Variants in TICAM1 observed in about 807,000 individuals in gnomAD.
TICAM1 encodes the protein TIR domain-containing adapter molecule 1.
For synonymous variants in TICAM1, 439 were observed against 415.4 expected (o/e 1.06, Z -0.69); for missense variants, 895 against 938.2 (o/e 0.95, Z 0.60).
At chr19:4,828,116 T>G (rs868023847) in intron 1 of TICAM1, among the ~76,000 whole-genome samples, 1 of 144,440 alleles carries the variant, frequency 6.9e-6, no homozygotes, top group Admixed American at 6.9e-5. Flanking sequence ...CTCTTTTTTG[T>G]TTTTTTTATT....
chr19:4,823,997 A>T (rs976714849), intron 1 of TICAM1, among the ~76,000 whole-genome samples: 1 of 132,376 alleles, frequency 7.6e-6, no homozygotes, highest in African/African-American at 2.9e-5. Flanking sequence ...GGTAGTAAAG[A>T]GACACTGAAT....
At chr19:4,822,981 G>A (rs529698705) in intron 1 of TICAM1, among the ~76,000 whole-genome samples, 1 of 152,196 alleles carries the variant, frequency 6.6e-6, no homozygotes, top group East Asian at 1.9e-4. Context: ...TTTTTGGTTT[G>A]TATTTGGCTT....
intron 1 of TICAM1, among the ~76,000 whole-genome samples, chr19:4,829,805 CTTTTTTTTT>C (rs539314470): frequency 3.4e-5 from 3 of 87,630 alleles, no homozygotes; most frequent in Admixed American, 1.5e-4. Flanking sequence ...AATTTCATTT[CTTTTTTTTT>C]TTTTTTTTTT....
At chr19:4,823,723 C>T (rs902524078) in intron 1 of TICAM1, among the ~76,000 whole-genome samples, 11 of 152,084 alleles carry the variant, frequency 7.2e-5, no homozygotes, top group Admixed American at 1.3e-4. Context: ...AGGGAGAAGG[C>T]GGCCGTCTGC....
chr19:4,816,414 A>G lies in TICAM1; in HGVS notation c.1964T>C (p.Leu655Pro). Residue 655 changes from leucine to proline, a missense_variant, in exon 2 of 2, where the codon CTG becomes CCG. Physicochemically the swap from Leu to Pro is moderately conservative, Grantham distance 98 (BLOSUM62 -3). Transcript: ENST00000248244. The surrounding 1 kb of genome is among the most constrained non-coding windows in gnomAD (Gnocchi z 4.3). ...SPQPAAFPQSLPFPQSPAFPT... is the reference protein window; with the variant it reads ...SPQPAAFPQSPPFPQSPAFPT... ...GAAGGCTGGGGACTGCGGGAAGGGCAGTGACTGTGGAAAGGCTGCTGGCTG... is the reference window on the plus strand; with the variant it reads ...GAAGGCTGGGGACTGCGGGAAGGGCGGTGACTGTGGAAAGGCTGCTGGCTG... 6.6e-7 allele frequency: 1 copy of G among 1,511,030 alleles called. No homozygotes were observed. The highest frequency in any genetic ancestry group is 8.9e-7 in the Non-Finnish European group (1 of 1,123,822). 93.6% of individuals were successfully genotyped at this position (1,511,030 alleles called of 1,614,324 possible). A position where few individuals can be genotyped will look rare whatever the true frequency, so the allele number is the denominator to read the frequency against.
At chr19:4,828,749 C>T (rs1164457206) in intron 1 of TICAM1, among the ~76,000 whole-genome samples, 1 of 147,968 alleles carries the variant, frequency 6.8e-6, no homozygotes, top group African/African-American at 2.5e-5. Context: ...TGTCGCCAGG[C>T]TGGAGTGCAG....
intron 1 of TICAM1, among the ~76,000 whole-genome samples, chr19:4,819,933 A>G (rs2146172979): frequency 6.6e-6 from 1 of 152,122 alleles, no homozygotes; most frequent in South Asian, 2.1e-4. Context: ...ACATCCTGGT[A>G]TTTGCAGTCT....
chr19:4,822,745 T>C (rs139381507), intron 1 of TICAM1, among the ~76,000 whole-genome samples: 31 of 152,170 alleles, frequency 2.0e-4, no homozygotes, highest in African/African-American at 7.2e-4. Context: ...TGATTTTTTT[T>C]ATTTTCCATT....
At chr19:4,830,268 G>T (rs1251478963) in intron 1 of TICAM1, among the ~76,000 whole-genome samples, 1 of 151,614 alleles carries the variant, frequency 6.6e-6, no homozygotes, top group Non-Finnish European at 1.5e-5. Context: ...TTGTATTTTT[G>T]GTAGAGACAG....
At position 4,816,716 on chromosome 19, in the gene TICAM1, T is replaced by C. The variant is rs763408253; in HGVS notation, c.1662A>G (p.Gln554=). 5 of 1,613,914 alleles carry C rather than the reference T, an allele frequency of 3.1e-6. No individual in the cohort carries two copies. The highest frequency in any genetic ancestry group is 2.5e-6 in the Non-Finnish European group (3 of 1,180,016). The part of the protein sequence containing the change: ...QDTRALREQS[Q]HLDGERMQAA... ...CCTGCATCCGCTCACCGTCCAGGTG[T>C]TGGCTCTGTTCCCGCAGGGCTCGGG... The change falls in exon 2 of 2, where the codon CAA becomes CAG. Residue 554 remains glutamine (Q), a synonymous_variant. Transcript: ENST00000248244. This position sits in a 1 kb window ranked among gnomAD's most constrained non-coding sequence, Gnocchi z 4.3.
Position 4,817,710 on chromosome 19 carries a change from C to T in TICAM1, c.668G>A (p.Ser223Asn), listed in dbSNP as rs772559700. Residue 223 changes from serine (S) to asparagine (N), a missense_variant, in exon 2 of 2, where the codon AGC (serine) becomes AAC (asparagine). Transcript: ENST00000248244. The surrounding 1 kb of genome is among the most constrained non-coding windows in gnomAD (Gnocchi z 4.7). ...ACAGAGCTTGCTGGGCCCATGTGGG[C>T]TGCGGTGCAGGCTGAGGAAGGGCAT... ...PTMPFLSLHR[S>N]PHGPSKLCDD... The T allele has an allele frequency of 6.3e-7, 1 of 1,596,880 alleles. No individual in the cohort carries two copies. Among genetic ancestry groups the T allele is most frequent in the Non-Finnish European group, 8.5e-7 (1 of 1,173,352 alleles).
In TICAM1 at chr19:4,816,818, G is replaced by A. The variant is rs370630160; in HGVS notation, c.1560C>T (p.Phe520=). The stretch of plus-strand genomic sequence containing the variant: ...TGAAGGTGTTGGCCACCTTCCTGGC[G>A]AAGATCTGGGAGTGTTCGTCCAGCC... ...LVRLDEHSQI[F]ARKVANTFKP... is the part of the protein sequence containing the mutation. The change falls in exon 2 of 2, where the codon TTC becomes TTT. Residue 520 remains phenylalanine (F), a synonymous_variant. Coordinates refer to ENST00000248244, the MANE Select transcript of TICAM1 (RefSeq NM_182919.4). The surrounding 1 kb of genome is among the most constrained non-coding windows in gnomAD (Gnocchi z 4.3). 31 of 1,612,690 alleles carry A rather than the reference G, an allele frequency of 1.9e-5. No homozygotes were observed. The highest frequency in any genetic ancestry group is 9.3e-5 in the African/African-American group (7 of 74,920).
At chr19:4,826,162 A>G (rs1463471049) in intron 1 of TICAM1, among the ~76,000 whole-genome samples, 1 of 151,912 alleles carries the variant, frequency 6.6e-6, no homozygotes, top group African/African-American at 2.4e-5. Flanking sequence ...ACGCTGTCTC[A>G]AAAACAACAA....
chr19:4,824,329 A>ATT (rs1213088504), intron 1 of TICAM1, among the ~76,000 whole-genome samples: 1,955 of 107,320 alleles, frequency 0.018, 45 homozygotes, highest in African/African-American at 0.061. Flanking sequence ...CTTTTATCCA[A>ATT]TTTTTTTTTT....
In TICAM1 at chr19:4,817,156, T is replaced by C. The variant is rs749950910; in HGVS notation, c.1222A>G (p.Ile408Val). The C allele has an allele frequency of 6.2e-7, 1 of 1,614,178 alleles. No individual in the cohort carries two copies. The highest frequency in any genetic ancestry group is 2.2e-5 in the East Asian group (1 of 44,878). The change falls in exon 2 of 2, where the codon ATC becomes GTC. Residue 408 changes from isoleucine to valine, a missense_variant. Coordinates refer to ENST00000248244, the MANE Select transcript of TICAM1 (RefSeq NM_182919.4). This position sits in a 1 kb window ranked among gnomAD's most constrained non-coding sequence, Gnocchi z 4.7. ...AGCTTCTCCCGAACCCGCAGGGCGA[T>C]GTGTTCGTCTGCCCTGGCGTGGAGG... is the stretch of plus-strand genomic sequence containing the variant. ...VILHARADEH[I>V]ALRVREKLEA...
In TICAM1 at chr19:4,817,078, G is replaced by A. The variant is rs1260578950; in HGVS notation, c.1300C>T (p.Pro434Ser). ...AGGCAGCTCAGCTCCCCGCGCCCCGGCACCTGGAAATCCTCGCAGAAGGTG... is the reference window on the plus strand; with the variant it reads ...AGGCAGCTCAGCTCCCCGCGCCCCGACACCTGGAAATCCTCGCAGAAGGTG... Reference protein sequence around the residue: ...GATFCEDFQVPGRGELSCLQD... With the variant: ...GATFCEDFQVSGRGELSCLQD... The change falls in exon 2 of 2, where the codon CCG becomes TCG. Residue 434 changes from proline to serine, a missense_variant. By Grantham distance (74) the Pro-to-Ser change is moderately conservative. Coordinates refer to ENST00000248244, the MANE Select transcript of TICAM1 (RefSeq NM_182919.4). The surrounding 1 kb of genome is among the most constrained non-coding windows in gnomAD (Gnocchi z 4.7). The A allele has an allele frequency of 5.0e-6, 8 of 1,614,144 alleles. No homozygotes were observed. The highest frequency in any genetic ancestry group is 2.2e-5 in the East Asian group (1 of 44,884).
chr19:4,822,912 ATGT>A (rs1438630434), intron 1 of TICAM1, among the ~76,000 whole-genome samples: 1 of 152,188 alleles, frequency 6.6e-6, no homozygotes, highest in Non-Finnish European at 1.5e-5. Flanking sequence ...CCAAAATCAT[ATGT>A]TGAAGTGCCA....
chr19:4,818,619 C>A lies in TICAM1; in HGVS notation c.-139-103G>T. ...TGCTTTCCCCGCCTGCCACCCAGAC[C>A]TAGCCAGGTGACCTTCGGCAACACG... On this transcript the variant is annotated intron_variant, in intron 1 of 1. Coordinates refer to ENST00000248244, the MANE Select transcript of TICAM1 (RefSeq NM_182919.4). This position sits in a 1 kb window ranked among gnomAD's most constrained non-coding sequence, Gnocchi z 4.0. 2.8e-6 allele frequency: 2 copies of A among 703,868 alleles called. No homozygotes were observed. The highest frequency in any genetic ancestry group is 2.1e-6 in the Non-Finnish European group (1 of 471,572). The allele number at this position is 703,868 out of a possible 1,614,324, so 43.6% of individuals were successfully genotyped here.
intron 1 of TICAM1, among the ~76,000 whole-genome samples, chr19:4,820,592 C>T (rs535069683): frequency 2.0e-5 from 3 of 151,122 alleles, no homozygotes; most frequent in African/African-American, 4.9e-5. Flanking sequence ...TGGCCGGGCG[C>T]GGTGGCTCAT....
Sources: gnomAD v4.1 joint callset for allele counts (sites outside exome capture counted in the v4.1 genomes callset) on GRCh38, gnomAD v4.1.1 for gene constraint, Gnocchi (gnomAD v3.1) non-coding constraint, MANE v1.5 for transcripts, NCBI Gene and HGNC (gene_info 2026-07-23, HGNC 2026-07-21) for gene names.